GRIN2A: variants seen among roughly 807,000 people sequenced by gnomAD.
GRIN2A encodes glutamate ionotropic receptor NMDA type subunit 2A.
In GRIN2A, 22 loss-of-function variants were observed where a neutral mutation model predicts 113.4. That is an observed-to-expected ratio of 0.19 (90% CI 0.14 to 0.28). GRIN2A has a LOEUF of 0.28. Among genes scored for constraint, GRIN2A ranks in the 10% least tolerant of loss-of-function variants. The pLI, the probability that GRIN2A is intolerant of heterozygous loss-of-function variation, is 1.00. For missense variants in GRIN2A, 1,502 were observed against 1,887.0 expected (o/e 0.80, Z 3.78); for synonymous variants, 827 against 738.4 (o/e 1.12, Z -1.94).
At chr16:9,884,549 G>GAAAT (rs948484273) in intron 4 of GRIN2A, among the ~76,000 whole-genome samples, 15 of 151,786 alleles carry the variant, frequency 9.9e-5, no homozygotes, top group Non-Finnish European at 1.9e-4. Context: ...ATTCTGTCTT[G>GAAAT]AAATAAATAA....
chr16:10,029,307 G>A (rs2046885023), intron 2 of GRIN2A, among the ~76,000 whole-genome samples: 1 of 151,864 alleles, frequency 6.6e-6, no homozygotes, highest in African/African-American at 2.4e-5. Flanking sequence ...GGATTCTCCT[G>A]CCTCAGCCTC....
chr16:10,015,508 TA>T (rs1268572579), intron 2 of GRIN2A, among the ~76,000 whole-genome samples: 2 of 149,498 alleles, frequency 1.3e-5, no homozygotes, highest in African/African-American at 2.5e-5. Flanking sequence ...ATAACAAAAA[TA>T]TTTTTTTCAA....
At chr16:10,133,332 G>A (rs1047930679) in intron 2 of GRIN2A, among the ~76,000 whole-genome samples, 7 of 152,288 alleles carry the variant, frequency 4.6e-5, no homozygotes, top group Admixed American at 3.9e-4. Flanking sequence ...ATCAGACCAG[G>A]CACAGTGACT....
At chr16:9,911,903 G>C (rs2044147212) in intron 3 of GRIN2A, among the ~76,000 whole-genome samples, 2 of 152,198 alleles carry the variant, frequency 1.3e-5, no homozygotes, top group Admixed American at 1.3e-4. Flanking sequence ...TAAAGGGTGA[G>C]AGGCATTAAG....
chr16:9,792,856 A>G (rs1902700294), intron 11 of GRIN2A, among the ~76,000 whole-genome samples: 1 of 152,204 alleles, frequency 6.6e-6, no homozygotes, highest in African/African-American at 2.4e-5. Flanking sequence ...TTCTCCTTGC[A>G]GCTTGGTTTA....
intron 2 of GRIN2A, among the ~76,000 whole-genome samples, chr16:10,029,625 C>G (rs1231966712): frequency 6.6e-6 from 1 of 152,200 alleles, no homozygotes; most frequent in Admixed American, 6.5e-5. Context: ...ATATGTCTCA[C>G]CTAGTCTGGG....
At chr16:10,118,275 C>A (rs1596525111) in intron 2 of GRIN2A, among the ~76,000 whole-genome samples, 2 of 152,100 alleles carry the variant, frequency 1.3e-5, no homozygotes, top group South Asian at 4.2e-4. Flanking sequence ...AATAAATGTT[C>A]CTGTTTGGCT....
At chr16:10,129,687 T>A (rs1156255151) in intron 2 of GRIN2A, among the ~76,000 whole-genome samples, 1 of 152,198 alleles carries the variant, frequency 6.6e-6, no homozygotes, top group East Asian at 1.9e-4. Flanking sequence ...AAGCAGGAGA[T>A]TATGGTGCTC....
At chr16:9,898,993 T>A (rs953374139) in intron 3 of GRIN2A, among the ~76,000 whole-genome samples, 7 of 152,114 alleles carry the variant, frequency 4.6e-5, no homozygotes, top group Non-Finnish European at 8.8e-5. Context: ...CTCCTCCTTC[T>A]CTTCTTCCTC....
chr16:9,854,950 C>T (rs540761547), intron 4 of GRIN2A, among the ~76,000 whole-genome samples: 1 of 152,022 alleles, frequency 6.6e-6, no homozygotes, highest in South Asian at 2.1e-4. Flanking sequence ...CCTTGCCAAA[C>T]TTCTGGTTAT....
At chr16:10,046,531 G>A (rs2047262056) in intron 2 of GRIN2A, among the ~76,000 whole-genome samples, 1 of 152,028 alleles carries the variant, frequency 6.6e-6, no homozygotes, top group Non-Finnish European at 1.5e-5. Flanking sequence ...AACCTACTTT[G>A]CTTCTCTCGC....
At chr16:10,020,699 T>G (rs534536546) in intron 2 of GRIN2A, among the ~76,000 whole-genome samples, 2 of 152,334 alleles carry the variant, frequency 1.3e-5, no homozygotes, top group Non-Finnish European at 2.9e-5. Flanking sequence ...CCACCTATGA[T>G]GTTGTAAGGA....
intron 11 of GRIN2A, among the ~76,000 whole-genome samples, chr16:9,772,951 T>C (rs1166907347): frequency 3.2e-5 from 4 of 125,828 alleles, no homozygotes; most frequent in African/African-American, 6.0e-5. Flanking sequence ...AAAGAGCAAA[T>C]GCACATTTCT....
At chr16:10,143,010 A>G (rs893178567) in intron 2 of GRIN2A, among the ~76,000 whole-genome samples, 1 of 152,262 alleles carries the variant, frequency 6.6e-6, no homozygotes, top group Non-Finnish European at 1.5e-5. Context: ...GGAATTTGGT[A>G]TACTTAGGAT....
rs139202443 is a variant in GRIN2A, at chr16:9,796,737, G to A, written c.2356+1540C>T. Among the ~76,000 whole-genome samples the A allele has an allele frequency of 1.5e-3, 221 of 152,278 alleles. 1 individual carries two copies. Among genetic ancestry groups the A allele is most frequent in the African/African-American group, 5.0e-3 (206 of 41,542 alleles). Reference sequence around the variant, plus strand: ...CAGAGACCACACCACTGATTCGTACGCTTGTGGCAGGAAGCAGAGGCACTA... The same window carrying A: ...CAGAGACCACACCACTGATTCGTACACTTGTGGCAGGAAGCAGAGGCACTA... On this transcript the variant is annotated intron_variant, in intron 11 of 12. Transcript: ENST00000330684.
chr16:9,769,467 T>TA (rs1016817276), intron 11 of GRIN2A, among the ~76,000 whole-genome samples: 4 of 137,272 alleles, frequency 2.9e-5, no homozygotes, highest in Admixed American at 7.3e-5. Context: ...TTTTTTTTTT[T>TA]TTTTGGTCAT....
rs547387519 is a variant in GRIN2A, at chr16:9,758,964, C to A, written c.*4185G>T. 1.0e-4 allele frequency: 23 copies of A among 222,240 alleles called. No homozygotes were observed. Among genetic ancestry groups the A allele is most frequent in the African/African-American group, 3.8e-4 (17 of 44,754 alleles). The allele number at this position is 222,240 out of a possible 1,614,324, so 13.8% of individuals were successfully genotyped here. A position where few individuals can be genotyped will look rare whatever the true frequency, so the allele number is the denominator to read the frequency against. On this transcript the variant is annotated 3_prime_UTR_variant, in exon 13 of 13. Transcript: ENST00000330684. The stretch of plus-strand genomic sequence containing the variant: ...AAGCAACACATTTAGCTTCCACCTA[C>A]TCAAACTTCTTTTTCTTTGAGTCCA...
At chr16:9,769,637 G>A (rs1406724203) in intron 11 of GRIN2A, among the ~76,000 whole-genome samples, 1 of 151,884 alleles carries the variant, frequency 6.6e-6, no homozygotes, top group Non-Finnish European at 1.5e-5. Flanking sequence ...CGGAGCTACA[G>A]TTATCCTGTC....
At chr16:9,932,459 T>C (rs1339721731) in intron 3 of GRIN2A, among the ~76,000 whole-genome samples, 3 of 152,126 alleles carry the variant, frequency 2.0e-5, no homozygotes, top group Non-Finnish European at 4.4e-5. Flanking sequence ...CACTGCAACC[T>C]CCACCTCCCA....
Sources: allele counts gnomAD v4.1 joint callset (sites outside exome capture counted in the v4.1 genomes callset), GRCh38; gene constraint gnomAD v4.1.1; transcripts MANE v1.5; gene names NCBI Gene and HGNC (gene_info 2026-07-23, HGNC 2026-07-21).